The following PIBF1 variants were observed in gnomAD, a reference collection of about 807,000 sequenced individuals.
PIBF1 encodes the protein progesterone-induced-blocking factor 1.
PIBF1 carries 90 observed loss-of-function variants against 112.5 expected under a neutral mutation model. That is an observed-to-expected ratio of 0.80 (90% CI 0.67 to 0.95). The LOEUF (loss-of-function observed/expected upper bound fraction) is 0.95. Ranked by LOEUF, PIBF1 falls within the 40% of genes least tolerant of loss-of-function variation. The probability of loss-of-function intolerance (pLI) is 0.00; values close to 1 mark genes in which losing one functional copy is unlikely to be tolerated. For synonymous variants in PIBF1, 301 were observed against 288.6 expected (o/e 1.04, Z -0.44); for missense variants, 915 against 852.3 (o/e 1.07, Z -0.92).
At chr13:72,901,494 G>A (rs758695922) in intron 11 of PIBF1, among the ~76,000 whole-genome samples, 2 of 152,132 alleles carry the variant, frequency 1.3e-5, no homozygotes, top group Non-Finnish European at 2.9e-5. Flanking sequence ...TTCGAGATCA[G>A]CCTGGCCAAC....
rs112850253 is a variant in PIBF1 at position 72,908,605 on chromosome 13, A to G, written c.1563A>G (p.Ser521=). The G allele has an allele frequency of 5.0e-5, 80 of 1,613,050 alleles. No homozygotes were observed. In the East Asian group the frequency reaches 1.0e-3, roughly 21 times the overall value. Residue 521 remains serine, a synonymous_variant, in exon 12 of 18, where the codon TCA becomes TCG. Coordinates refer to ENST00000326291, the MANE Select transcript of PIBF1 (RefSeq NM_006346.4). ...TTACTGAACTTCAAGCACAGAACTC[A>G]GAGCATCAAGCAAGGCTAGACATTT... The part of the protein sequence containing the change: ...KRITELQAQN[S]EHQARLDIYE...
At position 72,965,198 on chromosome 13, in the gene PIBF1, T is replaced by G. The variant is rs571517025; in HGVS notation, c.1834-76T>G. ...TGTCAAAGGAATTTCTGTACTATAT[T>G]TGTGCTAGAGCATTTTGAATGATTT... On this transcript the variant is annotated intron_variant, in intron 14 of 17. Transcript: ENST00000326291. The G allele has an allele frequency of 3.1e-6, 4 of 1,281,144 alleles. No individual in the cohort carries two copies. In the South Asian group the frequency reaches 5.0e-5, roughly 16 times the overall value. The allele number at this position is 1,281,144 out of a possible 1,614,324, so 79.4% of individuals were successfully genotyped here.
intron 10 of PIBF1, among the ~76,000 whole-genome samples, chr13:72,889,220 T>C (rs1379450858): frequency 6.6e-6 from 1 of 152,176 alleles, no homozygotes; most frequent in Non-Finnish European, 1.5e-5. Context: ...CAAGATTGAA[T>C]TCTCAGTTGA....
intron 11 of PIBF1, among the ~76,000 whole-genome samples, chr13:72,898,866 A>T (rs1424158900): frequency 6.7e-6 from 1 of 150,362 alleles, no homozygotes. Flanking sequence ...AAAAAAAAAA[A>T]TTGATAGACC....
intron 10 of PIBF1, among the ~76,000 whole-genome samples, chr13:72,870,725 A>G (rs2039125848): frequency 6.6e-6 from 1 of 152,050 alleles, no homozygotes; most frequent in Non-Finnish European, 1.5e-5. Flanking sequence ...AAGAGGTGGT[A>G]CATGAAACAA....
intron 9 of PIBF1, among the ~76,000 whole-genome samples, chr13:72,839,221 A>T (rs1321290374): frequency 6.6e-6 from 1 of 152,190 alleles, no homozygotes; most frequent in African/African-American, 2.4e-5. Flanking sequence ...ATCAGTAAAG[A>T]TGAGAGAAAT....
intron 11 of PIBF1, among the ~76,000 whole-genome samples, chr13:72,899,391 C>T (rs2040401939): frequency 1.3e-5 from 2 of 152,090 alleles, no homozygotes; most frequent in African/African-American, 2.4e-5. Context: ...ACTAGCTAAC[C>T]AAATCCAACA....
At chr13:72,928,016 C>CATATAT (rs1368777771) in intron 13 of PIBF1, among the ~76,000 whole-genome samples, 4 of 53,990 alleles carry the variant, frequency 7.4e-5, no homozygotes, top group Non-Finnish European at 1.1e-4. Context: ...CATATATATA[C>CATATAT]ATATATATAC....
At chr13:72,963,407 A>G (rs1475270628) in intron 14 of PIBF1, among the ~76,000 whole-genome samples, 1 of 152,170 alleles carries the variant, frequency 6.6e-6, no homozygotes, top group Non-Finnish European at 1.5e-5. Context: ...CAGCCTGGCC[A>G]ACATGGTGAA....
chr13:72,944,692 G>A lies in PIBF1; in HGVS notation c.1833+13425G>A, dbSNP rs140075002. Among the ~76,000 whole-genome samples, 730 of 152,162 alleles carry A rather than the reference G, an allele frequency of 4.8e-3. 4 individuals are homozygous for A. The highest frequency in any genetic ancestry group is 0.016 in the African/African-American group (667 of 41,516). ...TTTATATGATCAAAACATAAACAGT[G>A]AATGTTCTTGTTTTTTAATTTCAAC... is the stretch of plus-strand genomic sequence containing the variant. On this transcript the variant is annotated intron_variant, in intron 14 of 17. Transcript: ENST00000326291.
chr13:72,849,153 A>G (rs1362552423), intron 9 of PIBF1, among the ~76,000 whole-genome samples: 2 of 152,234 alleles, frequency 1.3e-5, no homozygotes, highest in African/African-American at 4.8e-5. Context: ...ACATATGTGT[A>G]TATGGGAGAT....
At position 72,965,359 on chromosome 13, in the gene PIBF1, T is replaced by G; in HGVS notation, c.1919T>G (p.Ile640Ser). 1 of 1,610,632 alleles carries G rather than the reference T, an allele frequency of 6.2e-7. No individual in the cohort carries two copies. Residue 640 changes from isoleucine (I) to serine (S), a missense_variant, in exon 15 of 18, where the codon ATT becomes AGT. By Grantham distance (142) the Ile-to-Ser change is moderately radical. Transcript: ENST00000326291. ...TCAGTGCGTCAGAGAGATTCTAAGATTGATTCACTGACGGAATCTATTGCA... is the reference window on the plus strand; with the variant it reads ...TCAGTGCGTCAGAGAGATTCTAAGAGTGATTCACTGACGGAATCTATTGCA... ...IESVRQRDSKIDSLTESIAQL... is the reference protein window; with the variant it reads ...IESVRQRDSKSDSLTESIAQL...
chr13:72,966,349 A>AT (rs1404839811), intron 15 of PIBF1, among the ~76,000 whole-genome samples: 2 of 152,230 alleles, frequency 1.3e-5, no homozygotes, highest in South Asian at 2.1e-4. Flanking sequence ...CCTGTTCTTA[A>AT]TTTTTTATGA....
intron 10 of PIBF1, among the ~76,000 whole-genome samples, chr13:72,892,493 C>T (rs2040095812): frequency 2.0e-5 from 3 of 151,970 alleles, no homozygotes; most frequent in Admixed American, 2.0e-4. Context: ...TTTATCTTAC[C>T]TCAGAAATGT....
intron 9 of PIBF1, chr13:72,836,173 C>G: frequency 2.3e-6 from 1 of 427,418 alleles, no homozygotes; most frequent in Non-Finnish European, 4.6e-6. Context: ...TTAGGCTCAC[C>G]TAGTTAGTGA....
intron 6 of PIBF1, among the ~76,000 whole-genome samples, chr13:72,825,389 A>G (rs1460062416): frequency 6.6e-6 from 1 of 152,252 alleles, no homozygotes; most frequent in Admixed American, 6.5e-5. Context: ...AAACAAATGC[A>G]CATGTATGAG....
rs771493665 is a variant in PIBF1 at position 72,908,673 on chromosome 13, C to T, written c.1631C>T (p.Thr544Ile). The change falls in exon 12 of 18, where the codon ACT (threonine) becomes ATT (isoleucine). Residue 544 changes from threonine (T) to isoleucine (I), a missense_variant. By Grantham distance (89) the Thr-to-Ile change is moderately conservative. Transcript: ENST00000326291. ...EKELDEIIMQ[T>I]AEIENEDEAE... The stretch of plus-strand genomic sequence containing the variant: ...GAGCTTGATGAAATAATAATGCAAA[C>T]TGCAGAAAGTAAGTCTTCCCCCACA... The T allele has an allele frequency of 3.1e-6, 5 of 1,611,354 alleles. No homozygotes were observed. The highest frequency in any genetic ancestry group is 4.2e-6 in the Non-Finnish European group (5 of 1,178,908).
intron 15 of PIBF1, among the ~76,000 whole-genome samples, chr13:72,968,645 T>A (rs1227839676): frequency 6.6e-6 from 1 of 152,120 alleles, no homozygotes; most frequent in African/African-American, 2.4e-5. Context: ...ACTAAATTTT[T>A]AATTCTATTA....
chr13:72,785,224 T>C (rs2034535940), intron 2 of PIBF1, among the ~76,000 whole-genome samples: 1 of 152,234 alleles, frequency 6.6e-6, no homozygotes, highest in Non-Finnish European at 1.5e-5. Context: ...TGTTTTCAAC[T>C]AACATAGCAT....
Sources: gnomAD v4.1 joint callset for allele counts (sites outside exome capture counted in the v4.1 genomes callset) on GRCh38, gnomAD v4.1.1 for gene constraint, MANE v1.5 for transcripts, NCBI Gene and HGNC (gene_info 2026-07-23, HGNC 2026-07-21) for gene names.